Variants in ACADM observed in about 807,000 individuals in gnomAD.
ACADM encodes acyl-CoA dehydrogenase medium chain, also known as medium-chain specific acyl-CoA dehydrogenase, mitochondrial.
Under a neutral mutation model 58.9 loss-of-function variants are expected in ACADM, and 49 were observed. The ratio of observed to expected loss-of-function variants is 0.83; its 90% CI spans 0.66 to 1.06. ACADM has a LOEUF of 1.06. ACADM is among the 50% of genes least tolerant of loss of function. ACADM has a pLI of 0.00. For missense variants in ACADM, 496 were observed against 507.0 expected, an observed-to-expected ratio of 0.98 and a Z score of 0.21; for synonymous variants, 160 against 157.7, an observed-to-expected ratio of 1.01 and a Z score of -0.11.
chr1:75,763,444 A>G lies in ACADM; in HGVS notation c.*681A>G, dbSNP rs1648956380. 1 of 152,104 alleles carries G rather than the reference A, an allele frequency of 6.6e-6. No homozygotes were observed. The allele number at this position is 152,104 out of a possible 1,614,324, so 9.4% of individuals were successfully genotyped here. On this transcript the variant is annotated 3_prime_UTR_variant, in exon 12 of 12. Transcript: ENST00000370841. ...GGTCTATTGTACACAATCTCATTTC[A>G]TATGTTTGCATTTTGGCAAAGAACT...
intron 8 of ACADM, among the ~76,000 whole-genome samples, chr1:75,747,010 G>A (rs1378504683): frequency 6.6e-6 from 1 of 152,144 alleles, no homozygotes; most frequent in African/African-American, 2.4e-5. Context: ...GATATTAAAG[G>A]TAGACTGCAC....
chr1:75,750,799 A>T, intron 10 of ACADM: 1 of 499,474 alleles, frequency 2.0e-6, no homozygotes, highest in Non-Finnish European at 3.6e-6. Flanking sequence ...CTCAGGCTAG[A>T]GTGCAGTGGC....
intron 7 of ACADM, chr1:75,743,486 C>T: frequency 6.2e-7 from 1 of 1,610,862 alleles, no homozygotes; most frequent in Non-Finnish European, 8.5e-7. Flanking sequence ...AAAGTCACAG[C>T]CTCTCTGCCA....
At chr1:75,744,680 C>T (rs1570884622) in intron 7 of ACADM, 2 of 826,242 alleles carry the variant, frequency 2.4e-6, no homozygotes, top group East Asian at 2.4e-5. Flanking sequence ...AAGGAGACCC[C>T]AGGCAGGGAA....
At chr1:75,753,036 A>G (rs1448740277) in intron 10 of ACADM, among the ~76,000 whole-genome samples, 1 of 152,218 alleles carries the variant, frequency 6.6e-6, no homozygotes, top group Non-Finnish European at 1.5e-5. Flanking sequence ...GAAACTCCGT[A>G]CATTCCAGTC....
chr1:75,728,356 A>G, intron 1 of ACADM, 45 bp from the exon 2 acceptor site: 4 of 1,496,798 alleles, frequency 2.7e-6, no homozygotes, highest in Non-Finnish European at 3.7e-6. Context: ...TATCTGATTA[A>G]TGTTTAACTT....
chr1:75,741,887 G>T (rs1647585927), intron 7 of ACADM, among the ~76,000 whole-genome samples: 1 of 152,264 alleles, frequency 6.6e-6, no homozygotes, highest in East Asian at 1.9e-4. Flanking sequence ...TGCACTTCAA[G>T]ATCTTTCTGA....
Position 75,733,513 on chromosome 1 carries a change from A to G in ACADM, c.287-15A>G. On this transcript the variant is annotated splice_polypyrimidine_tract_variant and intron_variant, in intron 4 of 11. Transcript: ENST00000370841. ...ACTACATATTACAATGTGTTGAAAC[A>G]TTTTGATACTGTAGGAGGTCTTGGA... 1.9e-6 allele frequency: 3 copies of G among 1,599,812 alleles called. No individual in the cohort carries two copies. The highest frequency in any genetic ancestry group is 1.7e-6 in the Non-Finnish European group (2 of 1,167,076).
chr1:75,745,627 C>T, intron 7 of ACADM, 179 bp from the exon 8 acceptor site: 1 of 628,968 alleles, frequency 1.6e-6, no homozygotes, highest in Non-Finnish European at 2.9e-6. Flanking sequence ...ACCTCAAATA[C>T]TAGCTCTTCC....
Position 75,732,742 on chromosome 1 carries a change from G to A in ACADM, c.216+1G>A, listed in dbSNP as rs1057516801. On this transcript the variant is annotated splice_donor_variant, in intron 3 of 11. Transcript: ENST00000370841. LOFTEE classifies it high-confidence loss of function. Reference sequence around the variant, plus strand: ...TGCAGAATATGATAAAACTGGTGAAGTAGGTATATACATTTTAAAGAGGGA... The same window carrying A: ...TGCAGAATATGATAAAACTGGTGAAATAGGTATATACATTTTAAAGAGGGA... The A allele has an allele frequency of 1.9e-6, 3 of 1,612,338 alleles. No homozygotes were observed. The African/African-American group carries it at 4.0e-5, about 22-fold the overall frequency.
At chr1:75,761,863 T>C (rs543757273) in intron 11 of ACADM, among the ~76,000 whole-genome samples, 2 of 152,362 alleles carry the variant, frequency 1.3e-5, no homozygotes, top group South Asian at 4.1e-4. Flanking sequence ...GCATGTTCTC[T>C]ACATGTGGCT....
chr1:75,743,330 C>T, intron 7 of ACADM: 1 of 1,447,536 alleles, frequency 6.9e-7, no homozygotes, highest in Non-Finnish European at 9.4e-7. Context: ...GTGCCTGTCA[C>T]CAGGCTAACC....
intron 6 of ACADM, among the ~76,000 whole-genome samples, chr1:75,738,731 C>T (rs1309336186): frequency 2.6e-5 from 4 of 151,700 alleles, no homozygotes; most frequent in African/African-American, 9.7e-5. Flanking sequence ...AGGTGGGGGG[C>T]CACCATGCTC....
In ACADM at chr1:75,729,298, T is replaced by TTC. The variant is rs1170771455; in HGVS notation, c.118+811_118+812insCT. On this transcript the variant is annotated intron_variant, in intron 2 of 11. Transcript: ENST00000370841. ...TCTTTTTCTTTCTTTCTTTTTTCTT[T>TTC]TTTTTTTTTTTTTTAAGATGAGGTT... 7.7e-4 allele frequency among the ~76,000 whole-genome samples: 113 copies of TTC among 146,004 alleles called. 1 individual carries two copies. The highest frequency in any genetic ancestry group is 2.7e-3 in the African/African-American group (109 of 40,188).
At chr1:75,726,382 T>A (rs1175194300) in intron 1 of ACADM, among the ~76,000 whole-genome samples, 3 of 59,688 alleles carry the variant, frequency 5.0e-5, no homozygotes, top group African/African-American at 1.3e-4. Flanking sequence ...AAAAAAAAAG[T>A]CCCTCAGTAG....
At chr1:75,732,470 G>A (rs1647163448) in intron 2 of ACADM, 174 bp from the exon 3 acceptor site, 1 of 635,660 alleles carries the variant, frequency 1.6e-6, no homozygotes, top group Non-Finnish European at 2.8e-6. Flanking sequence ...ATTGACATAG[G>A]TTTATTTATA....
rs535952223 is a variant in ACADM at position 75,755,264 on chromosome 1, T to C, written c.945+4718T>C. On this transcript the variant is annotated intron_variant, in intron 10 of 11. Transcript: ENST00000370841. Reference sequence around the variant, plus strand: ...CTGAAAGCTTTGAAGAGAGTAGTGGTCCTCCCAGAATGGAGTTTGAGATCT... The same window carrying C: ...CTGAAAGCTTTGAAGAGAGTAGTGGCCCTCCCAGAATGGAGTTTGAGATCT... Among the ~76,000 whole-genome samples, 3 of 152,298 alleles carry C rather than the reference T, an allele frequency of 2.0e-5. No individual in the cohort carries two copies. The South Asian group carries it at 6.2e-4, about 32-fold the overall frequency.
chr1:75,735,494 G>A (rs544425748), intron 6 of ACADM, among the ~76,000 whole-genome samples: 1 of 152,244 alleles, frequency 6.6e-6, no homozygotes, highest in South Asian at 2.1e-4. Context: ...GAGTCATTGT[G>A]TCAGGAAGTT....
chr1:75,729,885 ATT>A (rs551916973), intron 2 of ACADM, among the ~76,000 whole-genome samples: 515 of 73,774 alleles, frequency 7.0e-3, no homozygotes, highest in African/African-American at 0.027. Flanking sequence ...GGGATGGTGG[ATT>A]TTTTTTTTTT....
Sources: gnomAD v4.1 joint callset for allele counts (sites outside exome capture counted in the v4.1 genomes callset) on GRCh38, gnomAD v4.1.1 for gene constraint, MANE v1.5 for transcripts, NCBI Gene and HGNC (gene_info 2026-07-23, HGNC 2026-07-21) for gene names.